The following STXBP5L variants were observed in gnomAD, a reference collection of about 807,000 sequenced individuals.
The protein encoded by STXBP5L is syntaxin-binding protein 5-like.
STXBP5L carries 65 observed loss-of-function variants against 144.5 expected under a neutral mutation model. The ratio of observed to expected loss-of-function variants is 0.45; its 90% CI spans 0.37 to 0.55. The LOEUF (loss-of-function observed/expected upper bound fraction) is 0.55, where lower values mean the gene tolerates loss of function less well. Among genes scored for constraint, STXBP5L ranks in the 20% least tolerant of loss-of-function variants. The pLI is 0.00. For missense variants in STXBP5L, 1,298 were observed against 1,405.5 expected (o/e 0.92, Z 1.22); for synonymous variants, 505 against 469.6 (o/e 1.08, Z -0.97).
chr3:121,037,144 G>T (rs556913259), intron 3 of STXBP5L, among the ~76,000 whole-genome samples: 1 of 151,818 alleles, frequency 6.6e-6, no homozygotes, highest in African/African-American at 2.4e-5. Flanking sequence ...TGTTGGCCAG[G>T]CTTGTCTTGA....
intron 19 of STXBP5L, among the ~76,000 whole-genome samples, chr3:121,307,472 T>C (rs2043376735): frequency 6.6e-6 from 1 of 151,852 alleles, no homozygotes; most frequent in African/African-American, 2.4e-5. Context: ...AATAAAGAAA[T>C]AGAAGTTACA....
At chr3:120,940,265 G>A (rs1249364444) in intron 2 of STXBP5L, among the ~76,000 whole-genome samples, 3 of 152,016 alleles carry the variant, frequency 2.0e-5, no homozygotes, top group Non-Finnish European at 4.4e-5. Context: ...TCTGGGGAGA[G>A]AAGCTAGTGT....
At chr3:120,999,480 G>A (rs114980317) in intron 3 of STXBP5L, among the ~76,000 whole-genome samples, 3 of 152,096 alleles carry the variant, frequency 2.0e-5, no homozygotes, top group Admixed American at 6.5e-5. Context: ...ACGTGACATT[G>A]GTCTCTCGAA....
At chr3:121,055,857 A>ATTTT (rs5852260) in intron 5 of STXBP5L, among the ~76,000 whole-genome samples, 1 of 137,496 alleles carries the variant, frequency 7.3e-6, no homozygotes, top group African/African-American at 2.7e-5. Flanking sequence ...ACTAATGTTA[A>ATTTT]TTTTTTTTTT....
rs1256362926 is a variant in STXBP5L, at chr3:121,422,220, T to G, written c.*3123T>G. ...AGTCTCATCTTTACTATCTTTCTTC[T>G]ATTTCGGAACATAAGAAAAATACTC... On this transcript the variant is annotated 3_prime_UTR_variant, in exon 27 of 27. Coordinates refer to ENST00000471454, the MANE Select transcript of STXBP5L (RefSeq NM_001308330.2). 6.6e-6 allele frequency: 1 copy of G among 152,176 alleles called. No homozygotes were observed. The highest frequency in any genetic ancestry group is 1.5e-5 in the Non-Finnish European group (1 of 68,032). The allele number at this position is 152,176 out of a possible 1,614,324, so 9.4% of individuals were successfully genotyped here. A position where few individuals can be genotyped will look rare whatever the true frequency, so the allele number is the denominator to read the frequency against.
Position 121,239,038 on chromosome 3 carries a change from T to G in STXBP5L, c.1252T>G (p.Phe418Val). The G allele has an allele frequency of 6.2e-7, 1 of 1,610,106 alleles. No individual in the cohort carries two copies. The highest frequency in any genetic ancestry group is 1.1e-5 in the South Asian group (1 of 90,474). The change falls in exon 13 of 27, where the codon TTT (phenylalanine) becomes GTT (valine). Residue 418 changes from phenylalanine to valine, a missense_variant. Physicochemically the swap from Phe to Val is conservative, Grantham distance 50 (BLOSUM62 -1). Transcript: ENST00000471454. ...HESPVTCTAY[F>V]ADCPPDLILV... ...ATCACCAGTTACATGCACAGCATAC[T>G]TTGCAGATTGTCCTCCGGATTTGAT...
At chr3:120,947,044 A>G (rs1172841622) in intron 2 of STXBP5L, among the ~76,000 whole-genome samples, 1 of 151,766 alleles carries the variant, frequency 6.6e-6, no homozygotes, top group Non-Finnish European at 1.5e-5. Flanking sequence ...AGATTTGTGT[A>G]ACTATTGATA....
chr3:120,997,803 C>G (rs552064291), intron 3 of STXBP5L, among the ~76,000 whole-genome samples: 1 of 152,216 alleles, frequency 6.6e-6, no homozygotes, highest in South Asian at 2.1e-4. Context: ...TCAATATTGT[C>G]TTTGAATGTG....
At chr3:121,003,759 C>G (rs1233077238) in intron 3 of STXBP5L, among the ~76,000 whole-genome samples, 3 of 152,100 alleles carry the variant, frequency 2.0e-5, no homozygotes, top group African/African-American at 7.2e-5. Context: ...CCAGTTTCAG[C>G]TTTCTACATA....
intron 20 of STXBP5L, among the ~76,000 whole-genome samples, chr3:121,320,989 G>T (rs575665254): frequency 2.0e-4 from 31 of 152,248 alleles, no homozygotes; most frequent in African/African-American, 7.5e-4. Flanking sequence ...GTGAGCCACC[G>T]TGCCCGGCCC....
At chr3:120,961,533 C>G (rs1938817013) in intron 3 of STXBP5L, among the ~76,000 whole-genome samples, 1 of 152,092 alleles carries the variant, frequency 6.6e-6, no homozygotes, top group African/African-American at 2.4e-5. Context: ...GTTTGGTTTT[C>G]TGTCCTTGCG....
intron 19 of STXBP5L, among the ~76,000 whole-genome samples, chr3:121,281,318 T>A (rs977074471): frequency 2.0e-5 from 3 of 151,970 alleles, no homozygotes; most frequent in Non-Finnish European, 4.4e-5. Context: ...AGCTAGAAAT[T>A]TCAGTTTCTG....
At chr3:120,946,495 C>A (rs1710862905) in intron 2 of STXBP5L, among the ~76,000 whole-genome samples, 1 of 151,692 alleles carries the variant, frequency 6.6e-6, no homozygotes, top group Non-Finnish European at 1.5e-5. Flanking sequence ...GTCTAGCCTG[C>A]AGTGGAGGCT....
intron 7 of STXBP5L, among the ~76,000 whole-genome samples, chr3:121,131,562 T>G (rs2044989369): frequency 6.6e-6 from 1 of 152,182 alleles, no homozygotes; most frequent in Non-Finnish European, 1.5e-5. Flanking sequence ...TTGTGTAGTC[T>G]GGAAAGCCTA....
chr3:120,972,198 A>T lies in STXBP5L; in HGVS notation c.287+17161A>T, dbSNP rs188576819. ...CATTTTAATGATATTGATTCTTCCA[A>T]TCTATAAGCATGGATGTTTTTCCAT... On this transcript the variant is annotated intron_variant, in intron 3 of 26. Transcript: ENST00000471454. Among the ~76,000 whole-genome samples the T allele has an allele frequency of 3.3e-5, 5 of 152,182 alleles. No individual in the cohort carries two copies. The East Asian group carries it at 9.6e-4, about 29-fold the overall frequency.
At chr3:121,215,844 A>T (rs1352268570) in intron 10 of STXBP5L, among the ~76,000 whole-genome samples, 1 of 152,184 alleles carries the variant, frequency 6.6e-6, no homozygotes, top group African/African-American at 2.4e-5. Flanking sequence ...TACACCAATC[A>T]AACATAGGTT....
chr3:121,313,413 G>A (rs1172250613), intron 19 of STXBP5L, among the ~76,000 whole-genome samples: 29 of 117,738 alleles, frequency 2.5e-4, no homozygotes, highest in Admixed American at 5.0e-4. Context: ...CCTCCCTCCC[G>A]GACTGGGCGG....
chr3:121,211,942 TG>T (rs2048589154), intron 10 of STXBP5L, among the ~76,000 whole-genome samples: 1 of 152,220 alleles, frequency 6.6e-6, no homozygotes, highest in Non-Finnish European at 1.5e-5. Context: ...ATTGGGGTTT[TG>T]ATTTGCATTT....
At chr3:121,074,350 G>T (rs960061112) in intron 5 of STXBP5L, among the ~76,000 whole-genome samples, 1 of 152,160 alleles carries the variant, frequency 6.6e-6, no homozygotes, top group Non-Finnish European at 1.5e-5. Context: ...TTTATGGCCC[G>T]CAAATCCTTT....
Sources: gnomAD v4.1 joint callset for allele counts (sites outside exome capture counted in the v4.1 genomes callset) on GRCh38, gnomAD v4.1.1 for gene constraint, MANE v1.5 for transcripts, NCBI Gene and HGNC (gene_info 2026-07-23, HGNC 2026-07-21) for gene names.